The following PTPRD variants were observed in gnomAD, a reference collection of about 807,000 sequenced individuals.
The protein encoded by PTPRD is protein tyrosine phosphatase receptor type D.
Under a neutral mutation model 214.5 loss-of-function variants are expected in PTPRD, and 34 were observed. That is an observed-to-expected ratio of 0.16 (90% CI 0.12 to 0.21). PTPRD has a LOEUF of 0.21. Among genes scored for constraint, PTPRD ranks in the 10% least tolerant of loss-of-function variants. PTPRD has a pLI of 1.00. For synonymous variants in PTPRD, 1,128 were observed against 845.7 expected, an observed-to-expected ratio of 1.33 and a Z score of -5.79; for missense variants, 2,545 against 2,398.7, an observed-to-expected ratio of 1.06 and a Z score of -1.27.
At chr9:10,398,948 T>C (rs952452196) in intron 2 of PTPRD, among the ~76,000 whole-genome samples, 6 of 151,986 alleles carry the variant, frequency 3.9e-5, no homozygotes, top group Non-Finnish European at 8.8e-5. Context: ...AAAATTGTGC[T>C]TGATTATCTC....
chr9:9,497,986 TA>T (rs965919072), intron 8 of PTPRD, among the ~76,000 whole-genome samples: 2 of 152,162 alleles, frequency 1.3e-5, no homozygotes, highest in Non-Finnish European at 2.9e-5. Flanking sequence ...TGAATTTCTA[TA>T]AGATGAGTAA....
chr9:8,817,818 G>C (rs2096953266), intron 11 of PTPRD, among the ~76,000 whole-genome samples: 2 of 152,140 alleles, frequency 1.3e-5, no homozygotes, highest in Admixed American at 6.5e-5. Context: ...CTTCTTGGTA[G>C]AATTTCAAGA....
At chr9:9,543,754 C>A (rs908771942) in intron 8 of PTPRD, among the ~76,000 whole-genome samples, 2 of 151,568 alleles carry the variant, frequency 1.3e-5, no homozygotes, top group Non-Finnish European at 3.0e-5. Flanking sequence ...TAGGCTACTT[C>A]TTTATAATCT....
intron 8 of PTPRD, among the ~76,000 whole-genome samples, chr9:9,494,510 G>A (rs990190386): frequency 9.2e-5 from 14 of 152,094 alleles, no homozygotes; most frequent in African/African-American, 9.7e-5. Context: ...AGCCTCCACC[G>A]GCAAAATGAT....
chr9:10,522,022 T>G (rs2052497463), intron 2 of PTPRD, among the ~76,000 whole-genome samples: 1 of 152,100 alleles, frequency 6.6e-6, no homozygotes, highest in South Asian at 2.1e-4. Context: ...GGAAGGGATG[T>G]ATACATATGT....
At chr9:8,931,120 T>A (rs1388691051) in intron 11 of PTPRD, among the ~76,000 whole-genome samples, 1 of 152,012 alleles carries the variant, frequency 6.6e-6, no homozygotes, top group African/African-American at 2.4e-5. Flanking sequence ...CTTTAATCCA[T>A]CTTGAATTAA....
At position 10,483,138 on chromosome 9, in the gene PTPRD, C is replaced by A. The variant is rs145756693; in HGVS notation, c.-600+129260G>T. Among the ~76,000 whole-genome samples the A allele has an allele frequency of 1.0e-3, 159 of 152,252 alleles. 1 individual carries two copies. Among genetic ancestry groups the A allele is most frequent in the African/African-American group, 3.3e-3 (138 of 41,552 alleles). ...ATCCAGAAATAAACTCAAATACTTA[C>A]AACCAACTGATCATCAACAAATCAT... On this transcript the variant is annotated intron_variant, in intron 2 of 45. Coordinates refer to ENST00000381196, the MANE Select transcript of PTPRD (RefSeq NM_002839.4).
intron 10 of PTPRD, among the ~76,000 whole-genome samples, chr9:9,143,195 G>C (rs1193531014): frequency 6.6e-6 from 1 of 152,126 alleles, no homozygotes; most frequent in Non-Finnish European, 1.5e-5. Context: ...CTGAGACCCT[G>C]ACAGAGCAAC....
intron 3 of PTPRD, among the ~76,000 whole-genome samples, chr9:10,250,216 T>G (rs2092643114): frequency 6.6e-6 from 1 of 152,148 alleles, no homozygotes; most frequent in Non-Finnish European, 1.5e-5. Flanking sequence ...CTGATAAAAG[T>G]GACTATAAAA....
At chr9:10,526,839 G>C (rs10959146) in intron 2 of PTPRD, among the ~76,000 whole-genome samples, 9 of 152,032 alleles carry the variant, frequency 5.9e-5, no homozygotes, top group African/African-American at 1.9e-4. Context: ...GCAAACCTCA[G>C]AAAGAGGGGA....
chr9:8,473,722 C>G (rs1234627978), intron 30 of PTPRD, among the ~76,000 whole-genome samples: 2 of 152,082 alleles, frequency 1.3e-5, no homozygotes, highest in Admixed American at 6.6e-5. Context: ...GCAGCACTCC[C>G]CCACTATTCA....
chr9:10,097,059 A>C lies in PTPRD; in HGVS notation c.-544-63269T>G, dbSNP rs1374772981. On this transcript the variant is annotated intron_variant, in intron 3 of 45. Transcript: ENST00000381196. ...GATCAGATAGTTGTAGATATGCAGCATTATTTCTGAGGGCTCTGTTCTGTT... is the reference window on the plus strand; with the variant it reads ...GATCAGATAGTTGTAGATATGCAGCCTTATTTCTGAGGGCTCTGTTCTGTT... Among the ~76,000 whole-genome samples the C allele has an allele frequency of 2.6e-5, 4 of 151,354 alleles. No individual in the cohort carries two copies. The South Asian group carries it at 6.3e-4, about 24-fold the overall frequency.
intron 14 of PTPRD, among the ~76,000 whole-genome samples, chr9:8,535,236 C>G (rs2076643561): frequency 6.6e-6 from 1 of 151,866 alleles, no homozygotes. Context: ...GGATCAGAGG[C>G]ATGTGACTCT....
chr9:10,270,586 A>G (rs2094361922), intron 3 of PTPRD, among the ~76,000 whole-genome samples: 1 of 152,230 alleles, frequency 6.6e-6, no homozygotes, highest in Non-Finnish European at 1.5e-5. Context: ...CCTGACTTCC[A>G]TACCAGATTT....
chr9:9,947,473 A>AT (rs2092831334), intron 4 of PTPRD, among the ~76,000 whole-genome samples: 1 of 32,830 alleles, frequency 3.0e-5, no homozygotes, highest in African/African-American at 1.7e-4. Context: ...ACTATATATT[A>AT]TATATATTTT....
chr9:8,402,039 T>C (rs1454833820), intron 36 of PTPRD, among the ~76,000 whole-genome samples: 1 of 152,198 alleles, frequency 6.6e-6, no homozygotes, highest in East Asian at 1.9e-4. Flanking sequence ...GCCAGTATTT[T>C]CTCTTCTGTG....
At chr9:9,880,167 G>C (rs908045958) in intron 5 of PTPRD, among the ~76,000 whole-genome samples, 4 of 152,070 alleles carry the variant, frequency 2.6e-5, no homozygotes, top group African/African-American at 9.7e-5. Context: ...TTCTCACTTT[G>C]TGCACTCTTT....
intron 5 of PTPRD, among the ~76,000 whole-genome samples, chr9:9,834,065 T>G (rs528607545): frequency 1.3e-5 from 2 of 152,162 alleles, no homozygotes; most frequent in South Asian, 2.1e-4. Flanking sequence ...GTGATAAGTG[T>G]CCATGAAATC....
chr9:8,951,043 G>C (rs950243176), intron 11 of PTPRD, among the ~76,000 whole-genome samples: 1 of 151,914 alleles, frequency 6.6e-6, no homozygotes, highest in Non-Finnish European at 1.5e-5. Context: ...AATCCTTTTA[G>C]TAAGTAAAGA....
Sources: allele counts gnomAD v4.1 joint callset (sites outside exome capture counted in the v4.1 genomes callset), GRCh38; gene constraint gnomAD v4.1.1; transcripts MANE v1.5; gene names NCBI Gene and HGNC (gene_info 2026-07-23, HGNC 2026-07-21).